LARGE1: variants seen among roughly 807,000 people sequenced by gnomAD.
LARGE1 encodes LARGE xylosyl- and glucuronyltransferase 1, also known as xylosyl- and glucuronyltransferase LARGE1.
Under a neutral mutation model 87.6 loss-of-function variants are expected in LARGE1, and 43 were observed. That is an observed-to-expected ratio of 0.49 (90% CI 0.38 to 0.63). The LOEUF is 0.63. Among genes scored for constraint, LARGE1 ranks in the 30% least tolerant of loss-of-function variants. LARGE1 has a pLI of 0.00. For synonymous variants in LARGE1, 434 were observed against 394.6 expected (o/e 1.10, Z -1.18); for missense variants, 802 against 1,000.2 (o/e 0.80, Z 2.67).
intron 6 of LARGE1, among the ~76,000 whole-genome samples, chr22:33,557,119 C>T (rs1037255498): frequency 2.0e-5 from 3 of 152,128 alleles, no homozygotes; most frequent in Non-Finnish European, 2.9e-5. Flanking sequence ...CCCTATGGGG[C>T]GGTTATTAAT....
At chr22:33,703,473 A>G (rs372302379) in intron 2 of LARGE1, among the ~76,000 whole-genome samples, 1 of 152,248 alleles carries the variant, frequency 6.6e-6, no homozygotes, top group East Asian at 1.9e-4. Context: ...ATCACGTTAC[A>G]TAACAAAAAA....
At chr22:33,622,530 T>C (rs1349199030) in intron 4 of LARGE1, among the ~76,000 whole-genome samples, 1 of 152,250 alleles carries the variant, frequency 6.6e-6, no homozygotes, top group Non-Finnish European at 1.5e-5. Context: ...AAATGTTATA[T>C]AAACTGCATG....
At chr22:33,764,078 G>C (rs1020984485) in intron 1 of LARGE1, among the ~76,000 whole-genome samples, 1 of 151,754 alleles carries the variant, frequency 6.6e-6, no homozygotes, top group South Asian at 2.1e-4. Context: ...TCAATCTCTC[G>C]ACCTTGTGAT....
intron 5 of LARGE1, among the ~76,000 whole-genome samples, chr22:33,578,117 G>A (rs1237064703): frequency 2.0e-5 from 3 of 152,214 alleles, no homozygotes; most frequent in South Asian, 4.2e-4. Flanking sequence ...ACCTCCCCCC[G>A]CCAACAACAG....
At chr22:33,676,372 CAAAAAAAAAAAAAAA>C (rs10567981) in intron 2 of LARGE1, among the ~76,000 whole-genome samples, 2,237 of 16,502 alleles carry the variant, frequency 0.14, 79 homozygotes, top group African/African-American at 0.24. Flanking sequence ...GATTCAATGG[CAAAAAAAAAAAAAAA>C]AAAAAAAAAA....
intron 4 of LARGE1, among the ~76,000 whole-genome samples, chr22:33,614,711 T>C (rs942217138): frequency 1.3e-5 from 2 of 152,122 alleles, no homozygotes; most frequent in African/African-American, 4.8e-5. Flanking sequence ...CATCCCACTG[T>C]CCTGTCAGAT....
At chr22:33,157,267 A>T (rs1233862485), downstream of LARGE1, among the ~76,000 whole-genome samples, 1 of 152,234 alleles carries the variant, frequency 6.6e-6, no homozygotes, top group East Asian at 1.9e-4. Context: ...CTGAGAGATT[A>T]ACCTTCTGGT....
intron 6 of LARGE1, among the ~76,000 whole-genome samples, chr22:33,464,535 T>C (rs545852571): frequency 8.5e-5 from 13 of 152,130 alleles, no homozygotes; most frequent in Admixed American, 5.9e-4. Context: ...ACGGAAAAGA[T>C]GAGCAACAAA....
intron 7 of LARGE1, among the ~76,000 whole-genome samples, chr22:33,387,703 G>C (rs959727032): frequency 2.0e-5 from 3 of 152,168 alleles, no homozygotes; most frequent in African/African-American, 7.2e-5. Context: ...TGAAAAGTCG[G>C]AATGTCTAAA....
chr22:33,320,448 A>G (rs1188030973), intron 10 of LARGE1, among the ~76,000 whole-genome samples: 1 of 152,158 alleles, frequency 6.6e-6, no homozygotes, highest in Non-Finnish European at 1.5e-5. Flanking sequence ...CTGCGCTCCA[A>G]GAGCACTCAG....
intron 11 of LARGE1, among the ~76,000 whole-genome samples, chr22:33,257,575 T>C (rs1927379967): frequency 6.6e-6 from 1 of 152,174 alleles, no homozygotes; most frequent in African/African-American, 2.4e-5. Flanking sequence ...CCCTAGGAGA[T>C]AACGCATCTG....
At chr22:33,154,244 G>T in the LARGE1 span, among the ~76,000 whole-genome samples, 5 of 150,638 alleles carry the variant, frequency 3.3e-5, no homozygotes, top group African/African-American at 4.9e-5. Flanking sequence ...TTGTTTTGTT[G>T]TTGTTATTGT....
chr22:33,545,877 G>A (rs1414204330), intron 6 of LARGE1, among the ~76,000 whole-genome samples: 1 of 152,160 alleles, frequency 6.6e-6, no homozygotes, highest in Non-Finnish European at 1.5e-5. Flanking sequence ...AGCCATGGCA[G>A]GTGCCCTGGA....
chr22:33,347,348 A>G (rs1939879549), intron 9 of LARGE1, among the ~76,000 whole-genome samples: 1 of 152,188 alleles, frequency 6.6e-6, no homozygotes, highest in South Asian at 2.1e-4. Flanking sequence ...TTGGAGTGCC[A>G]CAGTGCTTGG....
At chr22:33,479,280 G>A (rs578159877) in intron 6 of LARGE1, among the ~76,000 whole-genome samples, 2 of 152,262 alleles carry the variant, frequency 1.3e-5, no homozygotes, top group Non-Finnish European at 2.9e-5. Flanking sequence ...ACATGGTCTT[G>A]TTTATTGGTA....
At chr22:33,274,746 A>G (rs992577930) in intron 14 of LARGE1, 122 bp from the exon 15 acceptor site, 83 of 854,424 alleles carry the variant, frequency 9.7e-5, no homozygotes, top group East Asian at 2.6e-5. Context: ...CCACAAGCAG[A>G]TGGCAAAGGA....
rs1245273565 is a variant in LARGE1, at chr22:33,459,439, CTCTTTT to C, written c.788-27180_788-27175del. Among the ~76,000 whole-genome samples the C allele has an allele frequency of 1.1e-4, 15 of 140,936 alleles. No individual in the cohort carries two copies. In the East Asian group the frequency reaches 2.7e-3, roughly 25 times the overall value. 92.5% of individuals were successfully genotyped at this position (140,936 alleles called of 152,430 possible). Reference sequence around the variant, plus strand: ...GTCAAACAAAGCTCGCTCGCTCTCTCTCTTTTTTTTTTTTTTTTTTTTTGACATTGC... The same window carrying C: ...GTCAAACAAAGCTCGCTCGCTCTCTCTTTTTTTTTTTTTTTTTGACATTGC... On this transcript the variant is annotated intron_variant, in intron 6 of 14. Coordinates refer to ENST00000397394, the MANE Select transcript of LARGE1 (RefSeq NM_133642.5).
the LARGE1 span, among the ~76,000 whole-genome samples, chr22:33,130,143 T>C: frequency 6.6e-6 from 1 of 150,952 alleles, no homozygotes; most frequent in East Asian, 2.0e-4. Context: ...TGAAACCCCG[T>C]CTCTACTAAA....
chr22:33,180,752 G>C lies in LARGE1; in HGVS notation c.1731-13920C>G, dbSNP rs532331240. Among the ~76,000 whole-genome samples the C allele has an allele frequency of 2.0e-5, 3 of 152,248 alleles. No homozygotes were observed. The East Asian group carries it at 5.8e-4, about 29-fold the overall frequency. On this transcript the variant is annotated intron_variant, in intron 11 of 11. Transcript: ENST00000608642. ...ATGTTATTTGGCAATTAAAAGGAAT[G>C]TAGTATGAATACATGCTGCAACCTG...
Sources: allele counts gnomAD v4.1 joint callset (sites outside exome capture counted in the v4.1 genomes callset), GRCh38; gene constraint gnomAD v4.1.1; transcripts MANE v1.5; gene names NCBI Gene and HGNC (gene_info 2026-07-23, HGNC 2026-07-21).